The following FIRRM variants were observed in gnomAD, a reference collection of about 807,000 sequenced individuals.
FIRRM encodes FIGNL1-interacting regulator of recombination and mitosis.
chr1:169,823,900 C>G, the FIRRM span, among the ~76,000 whole-genome samples: 3 of 152,050 alleles, frequency 2.0e-5, no homozygotes, highest in Admixed American at 6.5e-5. Context: ...CTGAAACCAT[C>G]TCAGAAAAGA....
At chr1:169,804,161 G>A in the FIRRM span, 1 of 1,599,802 alleles carries the variant, frequency 6.3e-7, no homozygotes, top group Admixed American at 1.8e-5. Flanking sequence ...CTCTTCAAAA[G>A]CAGTTAATGG....
chr1:169,816,291 TTTCTTCTGAGCAGCAGCCAGA>T, the FIRRM span, among the ~76,000 whole-genome samples: 3 of 152,174 alleles, frequency 2.0e-5, no homozygotes, highest in East Asian at 5.8e-4. Flanking sequence ...ATCTCTCTTG[TTTCTTCTGAGCAGCAGCCAGA>T]GATCACTGGT....
At chr1:169,801,918 A>G in the FIRRM span, among the ~76,000 whole-genome samples, 3 of 152,180 alleles carry the variant, frequency 2.0e-5, no homozygotes, top group Non-Finnish European at 2.9e-5. Flanking sequence ...TTTGTTCTTG[A>G]CCACCAGAAA....
At chr1:169,852,918 T>A in the FIRRM span, 9 of 1,614,162 alleles carry the variant, frequency 5.6e-6, no homozygotes, top group Non-Finnish European at 7.6e-6. Context: ...CAGCCTGGCT[T>A]TCAATGGAAA....
chr1:169,784,104 A>G, the FIRRM span, among the ~76,000 whole-genome samples: 20 of 152,206 alleles, frequency 1.3e-4, no homozygotes, highest in Non-Finnish European at 1.9e-4. Flanking sequence ...TACACTTTTA[A>G]GAATGCTAGA....
chr1:169,838,935 C>T, the FIRRM span, among the ~76,000 whole-genome samples: 4 of 152,146 alleles, frequency 2.6e-5, no homozygotes, highest in Non-Finnish European at 4.4e-5. Context: ...TACCATCTCT[C>T]CTCCCTCCCC....
At chr1:169,804,567 C>T in the FIRRM span, among the ~76,000 whole-genome samples, 1 of 152,032 alleles carries the variant, frequency 6.6e-6, no homozygotes, top group African/African-American at 2.4e-5. Flanking sequence ...TTTATATTTC[C>T]TTCCAGAATA....
chr1:169,843,826 A>C, the FIRRM span: 1 of 1,009,290 alleles, frequency 9.9e-7, no homozygotes, highest in Non-Finnish European at 1.6e-6. Flanking sequence ...TAAAACTGCT[A>C]TCATGTAAAA....
the FIRRM span, among the ~76,000 whole-genome samples, chr1:169,844,105 T>C: frequency 1.3e-5 from 2 of 152,250 alleles, no homozygotes; most frequent in Non-Finnish European, 2.9e-5. Flanking sequence ...TTCAAAAGCA[T>C]TTCAGCAGCT....
chr1:169,800,338 C>A, the FIRRM span, among the ~76,000 whole-genome samples: 1 of 152,108 alleles, frequency 6.6e-6, no homozygotes, highest in Admixed American at 6.5e-5. Flanking sequence ...AGCCACCATG[C>A]GTGGCATAAT....
At chr1:169,845,234 G>C in the FIRRM span, among the ~76,000 whole-genome samples, 11 of 152,168 alleles carry the variant, frequency 7.2e-5, no homozygotes, top group Admixed American at 1.3e-4. Context: ...AGCATTATGT[G>C]TAAAAAATGT....
chr1:169,806,313 C>T, the FIRRM span, among the ~76,000 whole-genome samples: 1 of 152,204 alleles, frequency 6.6e-6, no homozygotes, highest in Non-Finnish European at 1.5e-5. Flanking sequence ...TCCTAGTTAG[C>T]TAGTACTTCA....
At chr1:169,831,223 G>A in the FIRRM span, among the ~76,000 whole-genome samples, 1 of 151,874 alleles carries the variant, frequency 6.6e-6, no homozygotes, top group African/African-American at 2.4e-5. Context: ...TTTATGAATG[G>A]GTACAGACAG....
At chr1:169,795,335 CTT>C in the FIRRM span, 1 of 1,417,536 alleles carries the variant, frequency 7.1e-7, no homozygotes, top group African/African-American at 1.4e-5. Context: ...TGAACCCCCT[CTT>C]TTCTTTGTCA....
chr1:169,814,847 C>A, the FIRRM span, among the ~76,000 whole-genome samples: 29 of 152,278 alleles, frequency 1.9e-4, no homozygotes, highest in East Asian at 5.4e-3. Flanking sequence ...GGATTTTAGA[C>A]CACATGGGGG....
the FIRRM span, among the ~76,000 whole-genome samples, chr1:169,820,752 GCT>G: frequency 6.6e-6 from 1 of 152,302 alleles, no homozygotes; most frequent in East Asian, 1.9e-4. Context: ...GCTGCAGTCT[GCT>G]TTTTGGGGCT....
the FIRRM span, chr1:169,853,719 G>GTTAT: frequency 1.2e-6 from 2 of 1,613,474 alleles, no homozygotes; most frequent in African/African-American, 2.7e-5. Context: ...ATTGTCACCA[G>GTTAT]TTATTATCTT....
chr1:169,811,649 T>C, the FIRRM span, among the ~76,000 whole-genome samples: 1 of 151,960 alleles, frequency 6.6e-6, no homozygotes, highest in African/African-American at 2.4e-5. Context: ...AGTGAGAGCT[T>C]GTCTAGATAG....
chr1:169,820,734 T>C, the FIRRM span, among the ~76,000 whole-genome samples: 2 of 152,196 alleles, frequency 1.3e-5, no homozygotes, highest in Non-Finnish European at 2.9e-5. Context: ...GAAAGTTGAC[T>C]AATTGGTGCT....
Sources: allele counts gnomAD v4.1 joint callset (sites outside exome capture counted in the v4.1 genomes callset), GRCh38; gene constraint gnomAD v4.1.1; transcripts MANE v1.5; gene names NCBI Gene and HGNC (gene_info 2026-07-23, HGNC 2026-07-21).